Variants in SLC30A6 observed in about 807,000 individuals in gnomAD.
SLC30A6 encodes solute carrier family 30 member 6, also known as zinc transporter 6.
Under a neutral mutation model 63.0 loss-of-function variants are expected in SLC30A6, and 55 were observed. The ratio of observed to expected loss-of-function variants is 0.87; its 90% CI spans 0.70 to 1.09. SLC30A6 has a LOEUF of 1.09. SLC30A6 is among the 50% of genes least tolerant of loss of function. The pLI is 0.00. For missense variants in SLC30A6, 587 were observed against 549.2 expected, an observed-to-expected ratio of 1.07 and a Z score of -0.69; for synonymous variants, 224 against 186.1, an observed-to-expected ratio of 1.20 and a Z score of -1.66.
Position 32,175,324 on chromosome 2 carries a change from A to T in SLC30A6, c.181A>T (p.Thr61Ser), listed in dbSNP as rs1365694944. ...WCSSTNSIAL[T>S]AYTYLTIFDL... ...ATTTTTTTGTTGTTTTGCAGCTTTA[A>T]CTGCCTATACTTACCTGACCATTTT... The change falls in exon 4 of 14, where the codon ACT (threonine) becomes TCT (serine). Residue 61 changes from threonine (T) to serine (S), a missense_variant. Thr to Ser is a moderately conservative substitution (Grantham distance 58). Coordinates refer to ENST00000282587, the MANE Select transcript of SLC30A6 (RefSeq NM_017964.5). 1 of 1,611,202 alleles carries T rather than the reference A, an allele frequency of 6.2e-7. No individual in the cohort carries two copies. The highest frequency in any genetic ancestry group is 8.5e-7 in the Non-Finnish European group (1 of 1,179,266).
At chr2:32,167,716 C>T (rs1326217477) in intron 1 of SLC30A6, among the ~76,000 whole-genome samples, 7 of 152,090 alleles carry the variant, frequency 4.6e-5, no homozygotes, top group Admixed American at 2.0e-4. Flanking sequence ...AAAACGAATA[C>T]ATACAATAGA....
intron 10 of SLC30A6, chr2:32,201,503 G>A (rs1684290941): frequency 5.8e-6 from 3 of 518,654 alleles, no homozygotes; most frequent in Admixed American, 4.0e-5. Context: ...ACACAGCCAC[G>A]GCTGAGTGGC....
In SLC30A6 at chr2:32,222,302, G is replaced by A. The variant is rs1358010979; in HGVS notation, c.*1589G>A. Reference sequence around the variant, plus strand: ...ATGCATTCCATAACAGTTTTAAAATGGGATTTTGAGAATGGACTTAACTTT... The same window carrying A: ...ATGCATTCCATAACAGTTTTAAAATAGGATTTTGAGAATGGACTTAACTTT... On this transcript the variant is annotated 3_prime_UTR_variant, in exon 14 of 14. Transcript: ENST00000282587. 1.3e-5 allele frequency: 2 copies of A among 152,044 alleles called. No individual in the cohort carries two copies. Among genetic ancestry groups the A allele is most frequent in the Non-Finnish European group, 2.9e-5 (2 of 68,002 alleles). The allele number at this position is 152,044 out of a possible 1,614,324, so 9.4% of individuals were successfully genotyped here.
At chr2:32,185,960 A>C (rs2148834530) in intron 5 of SLC30A6, among the ~76,000 whole-genome samples, 1 of 148,976 alleles carries the variant, frequency 6.7e-6, no homozygotes, top group Non-Finnish European at 1.5e-5. Context: ...TGAACTCCTG[A>C]CCTCAAATGA....
rs370217990 is a variant in SLC30A6 at position 32,198,743 on chromosome 2, C to G, written c.665+917C>G. Among the ~76,000 whole-genome samples the G allele has an allele frequency of 2.6e-3, 394 of 152,208 alleles. 4 individuals carry two copies. The highest frequency in any genetic ancestry group is 8.6e-3 in the African/African-American group (356 of 41,540). On this transcript the variant is annotated intron_variant, in intron 10 of 13. Transcript: ENST00000282587. ...GGATTAGAGGCACCTGCCACCACAC[C>G]TGGCTAATTTTTGTATTTTTAATAG...
At chr2:32,172,437 C>G (rs1681317175) in intron 2 of SLC30A6, among the ~76,000 whole-genome samples, 1 of 151,720 alleles carries the variant, frequency 6.6e-6, no homozygotes, top group South Asian at 2.1e-4. Context: ...TGGTCTTGAA[C>G]TCCTGGGCTC....
chr2:32,208,686 A>C (rs1684997618), intron 12 of SLC30A6, among the ~76,000 whole-genome samples: 1 of 136,032 alleles, frequency 7.4e-6, no homozygotes, highest in Non-Finnish European at 1.6e-5. Context: ...TAATTGTTGT[A>C]CTTTTTTAGT....
intron 5 of SLC30A6, among the ~76,000 whole-genome samples, chr2:32,185,475 C>G (rs1185338021): frequency 6.6e-6 from 1 of 151,768 alleles, no homozygotes; most frequent in Non-Finnish European, 1.5e-5. Context: ...AAGAATTTTA[C>G]TTTATTAATT....
At chr2:32,181,570 A>G (rs1413379912) in intron 4 of SLC30A6, among the ~76,000 whole-genome samples, 1 of 152,166 alleles carries the variant, frequency 6.6e-6, no homozygotes, top group Non-Finnish European at 1.5e-5. Flanking sequence ...TTTTACAATT[A>G]ATAATTGAAG....
intron 5 of SLC30A6, among the ~76,000 whole-genome samples, chr2:32,186,307 G>C (rs1455884310): frequency 6.6e-6 from 1 of 152,216 alleles, no homozygotes; most frequent in Admixed American, 6.5e-5. Flanking sequence ...AAACTTGAGA[G>C]AGTTGCATTA....
At chr2:32,218,466 A>G (rs1293159032) in intron 13 of SLC30A6, among the ~76,000 whole-genome samples, 1 of 150,740 alleles carries the variant, frequency 6.6e-6, no homozygotes, top group African/African-American at 2.5e-5. Context: ...GGAATATGAT[A>G]TATCTGTCTG....
chr2:32,190,835 A>T (rs1683264643), intron 5 of SLC30A6, among the ~76,000 whole-genome samples: 1 of 152,138 alleles, frequency 6.6e-6, no homozygotes, highest in Non-Finnish European at 1.5e-5. Flanking sequence ...CATGTTAGCC[A>T]GGCTGGTCTT....
At chr2:32,219,600 A>G (rs1461665679) in intron 13 of SLC30A6, among the ~76,000 whole-genome samples, 1 of 150,624 alleles carries the variant, frequency 6.6e-6, no homozygotes, top group African/African-American at 2.4e-5. Context: ...ATGCCTGGCT[A>G]ATTTTTTGTA....
At chr2:32,203,850 T>C in intron 10 of SLC30A6, 2 of 1,308,660 alleles carry the variant, frequency 1.5e-6, no homozygotes, top group Admixed American at 1.7e-5. Flanking sequence ...GTTGGTCAAG[T>C]GGCCAGTCGG....
intron 2 of SLC30A6, among the ~76,000 whole-genome samples, chr2:32,172,662 A>G (rs1279761494): frequency 3.3e-5 from 5 of 152,202 alleles, no homozygotes; most frequent in Admixed American, 2.0e-4. Context: ...GAGAAACAAA[A>G]CCATGCGACT....
In SLC30A6 at chr2:32,197,662, T is replaced by C. The variant is rs1306853561; in HGVS notation, c.546-45T>C. ...TTTTACAAGGTTGTCACCAGTTTTA[T>C]GTGAGTTCTGCTAATGGATACTCTT... On this transcript the variant is annotated intron_variant, in intron 9 of 13. Coordinates refer to ENST00000282587, the MANE Select transcript of SLC30A6 (RefSeq NM_017964.5). 1.9e-6 allele frequency: 3 copies of C among 1,611,680 alleles called. No homozygotes were observed. The South Asian group carries it at 3.3e-5, about 18-fold the overall frequency.
At chr2:32,194,727 A>G (rs1054492019) in intron 8 of SLC30A6, among the ~76,000 whole-genome samples, 2 of 152,212 alleles carry the variant, frequency 1.3e-5, no homozygotes, top group Non-Finnish European at 2.9e-5. Context: ...TGAAATGCCC[A>G]TTCAAGTTTA....
chr2:32,216,369 C>T (rs553259822), intron 13 of SLC30A6, among the ~76,000 whole-genome samples: 1 of 152,140 alleles, frequency 6.6e-6, no homozygotes, highest in African/African-American at 2.4e-5. Context: ...AATCCTATCT[C>T]TACTAAAAAT....
intron 5 of SLC30A6, chr2:32,187,023 AAAG>A: frequency 2.8e-6 from 1 of 360,504 alleles, no homozygotes; most frequent in South Asian, 2.2e-5. Flanking sequence ...AAAGAAAGAA[AAAG>A]AAAAATGAGT....
Sources: allele counts gnomAD v4.1 joint callset (sites outside exome capture counted in the v4.1 genomes callset), GRCh38; gene constraint gnomAD v4.1.1; transcripts MANE v1.5; gene names NCBI Gene and HGNC (gene_info 2026-07-23, HGNC 2026-07-21).